The following SCN3A variants were observed in gnomAD, a reference collection of about 807,000 sequenced individuals.
The protein encoded by SCN3A is sodium voltage-gated channel alpha subunit 3.
In SCN3A, 60 loss-of-function variants were observed where a neutral mutation model predicts 187.6. That is an observed-to-expected ratio of 0.32 (90% CI 0.26 to 0.40). The LOEUF is 0.40. SCN3A is among the 10% of genes least tolerant of loss of function. The pLI is 1.00. For synonymous variants in SCN3A, 788 were observed against 829.2 expected, an observed-to-expected ratio of 0.95 and a Z score of 0.85; for missense variants, 1,601 against 2,428.2, an observed-to-expected ratio of 0.66 and a Z score of 7.16.
chr2:165,155,748 C>T lies in SCN3A; in HGVS notation c.1173+14G>A, dbSNP rs752560148. Reference sequence around the variant, plus strand: ...TATAAAAATAAATGTTATGCATGCTCATTTGGACCTTACCAACTGGTAAAG... The same window carrying T: ...TATAAAAATAAATGTTATGCATGCTTATTTGGACCTTACCAACTGGTAAAG... On this transcript the variant is annotated intron_variant, in intron 10 of 27. Coordinates refer to ENST00000283254, the MANE Select transcript of SCN3A (RefSeq NM_006922.4). The T allele has an allele frequency of 9.3e-6, 15 of 1,613,722 alleles. 1 individual carries two copies. In the East Asian group the frequency reaches 2.9e-4, roughly 31 times the overall value.
chr2:165,202,771 T>C (rs902630796), intron 1 of SCN3A, among the ~76,000 whole-genome samples: 6 of 152,046 alleles, frequency 3.9e-5, no homozygotes, highest in African/African-American at 1.4e-4. Flanking sequence ...GGAGTGAATG[T>C]GATGAAATGT....
chr2:165,168,872 T>G, intron 4 of SCN3A, 47 bp from the exon 5 acceptor site: 1 of 1,277,684 alleles, frequency 7.8e-7, no homozygotes, highest in Non-Finnish European at 1.1e-6. Flanking sequence ...CCATGGCCAT[T>G]TATAAATGAT....
intron 9 of SCN3A, among the ~76,000 whole-genome samples, chr2:165,161,597 TC>T (rs1339390624): frequency 3.9e-5 from 6 of 152,192 alleles, no homozygotes; most frequent in Admixed American, 1.3e-4. Flanking sequence ...AAGTTCCGTG[TC>T]CTAAGAGTCA....
intron 15 of SCN3A, among the ~76,000 whole-genome samples, chr2:165,136,325 A>G (rs921801032): frequency 3.3e-5 from 5 of 152,066 alleles, no homozygotes; most frequent in Non-Finnish European, 5.9e-5. Context: ...GGAAAAATAC[A>G]AGAACTACAC....
chr2:165,116,989 T>G (rs1409128916), intron 18 of SCN3A, among the ~76,000 whole-genome samples: 2 of 149,488 alleles, frequency 1.3e-5, no homozygotes, highest in Non-Finnish European at 3.0e-5. Context: ...CTCTACATTA[T>G]GGAGAGGTGG....
chr2:165,145,724 C>T (rs1688277766), intron 12 of SCN3A, among the ~76,000 whole-genome samples: 1 of 151,654 alleles, frequency 6.6e-6, no homozygotes, highest in Non-Finnish European at 1.5e-5. Flanking sequence ...ATATATCATA[C>T]CCCTTGGTTG....
intron 4 of SCN3A, among the ~76,000 whole-genome samples, chr2:165,169,126 A>G (rs1689958861): frequency 6.6e-6 from 1 of 151,914 alleles, no homozygotes; most frequent in South Asian, 2.1e-4. Context: ...AGAAGAACTC[A>G]CCATCCCTTA....
intron 1 of SCN3A, among the ~76,000 whole-genome samples, chr2:165,197,978 A>G (rs1692072049): frequency 1.3e-5 from 2 of 150,126 alleles, no homozygotes; most frequent in Non-Finnish European, 2.9e-5. Context: ...GAGACCATAC[A>G]GGTCTCAAGG....
At chr2:165,100,871 C>T (rs979253602) in intron 21 of SCN3A, among the ~76,000 whole-genome samples, 2 of 152,162 alleles carry the variant, frequency 1.3e-5, no homozygotes, top group African/African-American at 4.8e-5. Flanking sequence ...GATATCTTAT[C>T]TCCCTTTCCA....
intron 18 of SCN3A, among the ~76,000 whole-genome samples, chr2:165,121,864 A>G (rs1319403375): frequency 2.0e-5 from 3 of 152,068 alleles, no homozygotes; most frequent in African/African-American, 7.2e-5. Flanking sequence ...GATTCCCTTT[A>G]CTCCTCACAA....
chr2:165,157,359 T>A (rs1689123040), intron 9 of SCN3A, among the ~76,000 whole-genome samples: 1 of 152,212 alleles, frequency 6.6e-6, no homozygotes, highest in South Asian at 2.1e-4. Flanking sequence ...GTTTTGAGGA[T>A]TACTGGTCAG....
chr2:165,149,903 C>T (rs186784967), intron 11 of SCN3A, among the ~76,000 whole-genome samples: 183 of 152,324 alleles, frequency 1.2e-3, no homozygotes, highest in Admixed American at 2.3e-3. Context: ...AATATAACCA[C>T]ATAACTAATA....
intron 9 of SCN3A, among the ~76,000 whole-genome samples, chr2:165,156,805 G>A (rs1689076053): frequency 1.3e-5 from 2 of 152,086 alleles, no homozygotes; most frequent in African/African-American, 4.8e-5. Flanking sequence ...TCCTGCCTTG[G>A]CCTCCTGAAG....
At chr2:165,143,319 G>T (rs533451425) in intron 12 of SCN3A, among the ~76,000 whole-genome samples, 2 of 152,166 alleles carry the variant, frequency 1.3e-5, no homozygotes, top group South Asian at 4.1e-4. Flanking sequence ...AACTGTCTCT[G>T]GAAACTGAAA....
chr2:165,127,812 G>A lies in SCN3A; in HGVS notation c.3212C>T (p.Thr1071Ile). 1.9e-6 allele frequency: 3 copies of A among 1,614,098 alleles called. No homozygotes were observed. Among genetic ancestry groups the A allele is most frequent in the Non-Finnish European group, 2.5e-6 (3 of 1,180,026 alleles). ...LNYLRDGNGT[T>I]SGVGTGSSVE... The stretch of plus-strand genomic sequence containing the variant: ...ACTGCTTCCAGTACCTACACCACTG[G>A]TGGTTCCATTCCCATCTCTAAGATA... The change falls in exon 18 of 28, where the codon ACC (threonine) becomes ATC (isoleucine). Residue 1071 changes from threonine (T) to isoleucine (I), a missense_variant. Physicochemically the swap from Thr to Ile is moderately conservative, Grantham distance 89. This residue lies in a region of SCN3A where 267 missense variants were observed against 313.2 expected (regional missense o/e 0.85). Transcript: ENST00000283254.
chr2:165,106,855 T>C (rs1685887139), intron 21 of SCN3A, among the ~76,000 whole-genome samples: 1 of 152,184 alleles, frequency 6.6e-6, no homozygotes, highest in East Asian at 1.9e-4. Context: ...AGGTTGTGAC[T>C]GGAGGCAGGA....
At chr2:165,157,988 T>C (rs759614309) in intron 9 of SCN3A, among the ~76,000 whole-genome samples, 2 of 152,142 alleles carry the variant, frequency 1.3e-5, no homozygotes, top group Non-Finnish European at 2.9e-5. Flanking sequence ...TTTTATAATT[T>C]CTGCCGCAGT....
intron 1 of SCN3A, among the ~76,000 whole-genome samples, chr2:165,200,393 C>T (rs1692239049): frequency 6.6e-6 from 1 of 151,766 alleles, no homozygotes; most frequent in Non-Finnish European, 1.5e-5. Context: ...TTCACAGCTA[C>T]CTATGTAAAG....
At chr2:165,176,781 T>G (rs1264084469) in intron 2 of SCN3A, among the ~76,000 whole-genome samples, 1 of 152,182 alleles carries the variant, frequency 6.6e-6, no homozygotes, top group Non-Finnish European at 1.5e-5. Context: ...AAAATTCTGT[T>G]TTGACACTGT....
Sources: allele counts gnomAD v4.1 joint callset (sites outside exome capture counted in the v4.1 genomes callset), GRCh38; gene constraint gnomAD v4.1.1; regional missense constraint gnomAD v4.1.1; transcripts MANE v1.5; gene names NCBI Gene and HGNC (gene_info 2026-07-23, HGNC 2026-07-21).